The following DNAAF6 variants were observed in gnomAD, a reference collection of about 807,000 sequenced individuals.
The protein encoded by DNAAF6 is PIH1 domain containing 3.
Under a neutral mutation model 13.7 loss-of-function variants are expected in DNAAF6, and 3 were observed. The ratio of observed to expected loss-of-function variants is 0.22; its 90% CI spans 0.10 to 0.56. The LOEUF (loss-of-function observed/expected upper bound fraction) is 0.56, where lower values mean the gene tolerates loss of function less well. Ranked by LOEUF, DNAAF6 falls within the 20% of genes least tolerant of loss-of-function variation. DNAAF6 has a pLI of 0.92. For synonymous variants in DNAAF6, 54 were observed against 49.2 expected (o/e 1.10, Z -0.41); for missense variants, 130 against 151.0 (o/e 0.86, Z 0.73).
chrX:107,211,791 A>G (rs373682990), intron 1 of DNAAF6, among the ~76,000 whole-genome samples: 2 of 111,945 alleles, frequency 1.8e-5, no homozygotes, highest in Non-Finnish European at 3.8e-5. Flanking sequence ...ATCTAAATAT[A>G]TCTAGAAATC....
At chrX:107,240,563 C>A (rs1180354996) in intron 6 of DNAAF6, among the ~76,000 whole-genome samples, 1 of 111,678 alleles carries the variant, frequency 9.0e-6, no homozygotes, top group East Asian at 2.8e-4. Flanking sequence ...CAGAAACAAG[C>A]GAATTTATTT....
chrX:107,243,388 A>G lies in DNAAF6; in HGVS notation c.*90A>G. On this transcript the variant is annotated 3_prime_UTR_variant, in exon 7 of 7. Coordinates refer to ENST00000372453, the MANE Select transcript of DNAAF6 (RefSeq NM_173494.2). ...AATGATTGTTTTCTATATTCTCTTT[A>G]TTATTCTGACATATTTTTGAAAGGG... 3 of 1,076,715 alleles carry G rather than the reference A, an allele frequency of 2.8e-6. No individual in the cohort carries two copies. Among genetic ancestry groups the G allele is most frequent in the Non-Finnish European group, 3.7e-6 (3 of 810,150 alleles). The allele number at this position is 1,076,715 out of a possible 1,213,427, so 88.7% of individuals were successfully genotyped here.
At chrX:107,220,941 TTC>T (rs761950624) in intron 4 of DNAAF6, among the ~76,000 whole-genome samples, 17 of 83,517 alleles carry the variant, frequency 2.0e-4, no homozygotes, top group African/African-American at 5.9e-4. Context: ...CTTTCTTTCT[TTC>T]TTTCTTTCTT....
intron 5 of DNAAF6, among the ~76,000 whole-genome samples, chrX:107,232,733 TTTGTTGTTG>T (rs1013522065): frequency 9.1e-6 from 1 of 109,678 alleles, no homozygotes; most frequent in Non-Finnish European, 1.9e-5. Flanking sequence ...TAGAAAGGGT[TTTGTTGTTG>T]TTGTTGTTGT....
At chrX:107,216,005 A>T (rs1927971030) in intron 2 of DNAAF6, among the ~76,000 whole-genome samples, 2 of 111,558 alleles carry the variant, frequency 1.8e-5, no homozygotes, top group South Asian at 3.8e-4. Flanking sequence ...TCCTTTGGGG[A>T]TGTGTATGCT....
chrX:107,220,719 A>G lies in DNAAF6; in HGVS notation c.332+1750A>G, dbSNP rs140014719. ...CTTGGGGAGAAGTATGAGGGTCTTT[A>G]TTTGAGTGAGTTTTGGATGAAGAGT... On this transcript the variant is annotated intron_variant, in intron 4 of 6. Coordinates refer to ENST00000372453, the MANE Select transcript of DNAAF6 (RefSeq NM_173494.2). Among the ~76,000 whole-genome samples the G allele has an allele frequency of 6.5e-3, 718 of 111,278 alleles. 6 individuals are homozygous for G. Among genetic ancestry groups the G allele is most frequent in the African/African-American group, 0.022 (672 of 30,633 alleles).
chrX:107,216,647 A>G, intron 2 of DNAAF6, 24 bp from the exon 3 acceptor site: 1 of 1,110,071 alleles, frequency 9.0e-7, no homozygotes, highest in African/African-American at 1.8e-5. Flanking sequence ...ATTACAGAAT[A>G]TTGAACTTTT....
intron 1 of DNAAF6, among the ~76,000 whole-genome samples, chrX:107,209,285 A>T (rs1602676000): frequency 1.8e-5 from 2 of 112,216 alleles, no homozygotes; most frequent in East Asian, 5.5e-4. Context: ...AAAAATAAAT[A>T]AATAAAAATA....
Position 107,235,312 on chromosome X carries a change from C to T in DNAAF6, c.430-3610C>T, listed in dbSNP as rs756946094. 1.6e-4 allele frequency among the ~76,000 whole-genome samples: 18 copies of T among 111,664 alleles called. 1 individual carries two copies. Among genetic ancestry groups the T allele is most frequent in the Admixed American group, 2.9e-4 (3 of 10,505 alleles). On this transcript the variant is annotated intron_variant, in intron 5 of 6. Transcript: ENST00000372453. ...TGATGGATACTGGGGTAACCAGCTT[C>T]CAGCATGGCACCCAATAATTCTCAC... is the stretch of plus-strand genomic sequence containing the variant.
chrX:107,218,859 C>T lies in DNAAF6; in HGVS notation c.227-5C>T, dbSNP rs771611594. The T allele has an allele frequency of 8.5e-7, 1 of 1,183,379 alleles. No homozygotes were observed. The highest frequency in any genetic ancestry group is 1.1e-6 in the Non-Finnish European group (1 of 885,609). ...GCTTCAGCTTTATCTTCCCTTTCTT[C>T]ACAGTCATCCCTGAAACCAGCGAGG... On this transcript the variant is annotated splice_polypyrimidine_tract_variant and splice_region_variant and intron_variant, in intron 3 of 6. Coordinates refer to ENST00000372453, the MANE Select transcript of DNAAF6 (RefSeq NM_173494.2).
At chrX:107,213,092 T>A in intron 2 of DNAAF6, 64 bp downstream of exon 2, 35 of 1,060,669 alleles carry the variant, frequency 3.3e-5, no homozygotes, top group Non-Finnish European at 4.1e-5. Context: ...TGTATTTGAA[T>A]AACCTGTTCC....
chrX:107,233,442 T>C (rs1244419073), intron 5 of DNAAF6, among the ~76,000 whole-genome samples: 1 of 111,550 alleles, frequency 9.0e-6, no homozygotes, highest in Admixed American at 9.5e-5. Flanking sequence ...TCTAGATTTA[T>C]TCATGCTAAA....
chrX:107,228,346 G>C (rs1928302126), intron 5 of DNAAF6, among the ~76,000 whole-genome samples: 1 of 111,518 alleles, frequency 9.0e-6, no homozygotes, highest in Admixed American at 9.5e-5. Flanking sequence ...AGCAAATATA[G>C]ATTGTTCTTT....
intron 6 of DNAAF6, among the ~76,000 whole-genome samples, chrX:107,240,188 G>T (rs996393172): frequency 1.8e-5 from 2 of 111,716 alleles, no homozygotes; most frequent in African/African-American, 6.5e-5. Flanking sequence ...TGTTCTGTGA[G>T]GATACATTTT....
intron 4 of DNAAF6, among the ~76,000 whole-genome samples, chrX:107,221,024 T>G (rs925018254): frequency 1.9e-5 from 2 of 108,035 alleles, no homozygotes; most frequent in Non-Finnish European, 3.8e-5. Context: ...CAGGCTGGAG[T>G]GCAGTGGTGT....
chrX:107,218,323 T>C (rs945908567), intron 3 of DNAAF6, among the ~76,000 whole-genome samples: 3 of 112,107 alleles, frequency 2.7e-5, no homozygotes, highest in East Asian at 5.6e-4. Context: ...GTTTCTTTAA[T>C]TGATATTATT....
chrX:107,208,911 G>A (rs908503085), intron 1 of DNAAF6, among the ~76,000 whole-genome samples: 6 of 111,592 alleles, frequency 5.4e-5, no homozygotes, highest in Admixed American at 9.5e-5. Flanking sequence ...AAGATTCTAG[G>A]TACTTTCAAA....
chrX:107,230,190 C>G (rs1271078719), intron 5 of DNAAF6, among the ~76,000 whole-genome samples: 1 of 112,075 alleles, frequency 8.9e-6, no homozygotes, highest in Non-Finnish European at 1.9e-5. Flanking sequence ...TCTAATCCAT[C>G]AGCAAGTATT....
At chrX:107,212,789 A>T in intron 1 of DNAAF6, 84 bp from the exon 2 acceptor site, 1 of 1,005,051 alleles carries the variant, frequency 9.9e-7, no homozygotes, top group Middle Eastern at 3.9e-4. Context: ...CAGGGAAAGA[A>T]GGGAGATATG....
Sources: gnomAD v4.1 joint callset for allele counts (sites outside exome capture counted in the v4.1 genomes callset) on GRCh38, gnomAD v4.1.1 for gene constraint, MANE v1.5 for transcripts, NCBI Gene and HGNC (gene_info 2026-07-23, HGNC 2026-07-21) for gene names.